The following ERO1A variants were observed in gnomAD, a reference collection of about 807,000 sequenced individuals.
ERO1A encodes the protein endoplasmic reticulum oxidoreductase 1 alpha, also known as ERO1-like protein alpha.
ERO1A carries 49 observed loss-of-function variants against 76.9 expected under a neutral mutation model. The ratio of observed to expected loss-of-function variants is 0.64; its 90% CI spans 0.51 to 0.81. The LOEUF is 0.81. Ranked by LOEUF, ERO1A falls within the 30% of genes least tolerant of loss-of-function variation. ERO1A has a pLI of 0.00. For synonymous variants in ERO1A, 174 were observed against 181.2 expected (o/e 0.96, Z 0.32); for missense variants, 448 against 542.1 (o/e 0.83, Z 1.72).
intron 1 of ERO1A, among the ~76,000 whole-genome samples, chr14:52,687,213 C>G (rs1283796744): frequency 6.6e-6 from 1 of 152,052 alleles, no homozygotes; most frequent in Non-Finnish European, 1.5e-5. Flanking sequence ...GTCTCTTGAG[C>G]CTGGGAGTCC....
intron 4 of ERO1A, among the ~76,000 whole-genome samples, chr14:52,674,794 A>G (rs1241753035): frequency 6.6e-6 from 1 of 152,362 alleles, no homozygotes; most frequent in African/African-American, 2.4e-5. Context: ...CTCTTAATAG[A>G]AGCCTAGGTT....
At position 52,640,144 on chromosome 14, in the gene ERO1A, C is replaced by T. The variant is rs2139598165; in HGVS notation, c.*3426G>A. 1 of 152,300 alleles carries T rather than the reference C, an allele frequency of 6.6e-6. No homozygotes were observed. The highest frequency in any genetic ancestry group is 1.5e-5 in the Non-Finnish European group (1 of 68,028). 9.4% of individuals were successfully genotyped at this position (152,300 alleles called of 1,614,324 possible). The stretch of plus-strand genomic sequence containing the variant: ...AAAAATAAAAAGGTTCCTTTTCCTG[C>T]CCTTAAGGAGCTCACATTCTAGTAA... On this transcript the variant is annotated 3_prime_UTR_variant, in exon 16 of 16. Coordinates refer to ENST00000395686, the MANE Select transcript of ERO1A (RefSeq NM_014584.3).
chr14:52,651,314 A>C (rs900410961), intron 13 of ERO1A, among the ~76,000 whole-genome samples: 11 of 152,096 alleles, frequency 7.2e-5, no homozygotes, highest in African/African-American at 2.4e-4. Flanking sequence ...GATGAATGAC[A>C]AAACATCACA....
chr14:52,670,009 C>T (rs1332800389), intron 6 of ERO1A, among the ~76,000 whole-genome samples: 1 of 152,152 alleles, frequency 6.6e-6, no homozygotes, highest in Admixed American at 6.5e-5. Flanking sequence ...CCAGCCTCAA[C>T]CCCCTGGATC....
At chr14:52,690,753 C>T (rs1275954323) in intron 1 of ERO1A, among the ~76,000 whole-genome samples, 3 of 152,162 alleles carry the variant, frequency 2.0e-5, no homozygotes, top group Non-Finnish European at 4.4e-5. Context: ...TTATGTGGTA[C>T]ACCTTAAATA....
At chr14:52,662,847 G>A (rs1022821335) in intron 8 of ERO1A, among the ~76,000 whole-genome samples, 3 of 152,132 alleles carry the variant, frequency 2.0e-5, no homozygotes, top group Non-Finnish European at 4.4e-5. Flanking sequence ...TCTATATAGA[G>A]AGATAAAACA....
At chr14:52,690,831 G>A (rs981585212) in intron 1 of ERO1A, among the ~76,000 whole-genome samples, 3 of 152,086 alleles carry the variant, frequency 2.0e-5, no homozygotes, top group Non-Finnish European at 2.9e-5. Context: ...GTGATGGTGC[G>A]ATCTCACCTC....
rs1594815458 is a variant in ERO1A, at chr14:52,641,099, A to ATCTT, written c.*2467_*2470dup. On this transcript the variant is annotated 3_prime_UTR_variant, in exon 16 of 16. Transcript: ENST00000395686. ...AAAATGTAAGAAGTCAAGGGAATAA[A>ATCTT]TCTTTAAAGTAGGGGTTGTCAAAAA... is the stretch of plus-strand genomic sequence containing the variant. 6 of 152,210 alleles carry ATCTT rather than the reference A, an allele frequency of 3.9e-5. No individual in the cohort carries two copies. The highest frequency in any genetic ancestry group is 1.9e-4 in the East Asian group (1 of 5,202). 9.4% of individuals were successfully genotyped at this position (152,210 alleles called of 1,614,324 possible).
intron 11 of ERO1A, among the ~76,000 whole-genome samples, chr14:52,657,463 C>A (rs937447711): frequency 2.6e-5 from 4 of 152,076 alleles, no homozygotes; most frequent in Non-Finnish European, 5.9e-5. Context: ...TACTTTAATT[C>A]CAGAAGAAAT....
chr14:52,666,541 C>T, intron 6 of ERO1A, 46 bp from the exon 7 acceptor site: 2 of 1,528,494 alleles, frequency 1.3e-6, no homozygotes, highest in Non-Finnish European at 1.8e-6. Flanking sequence ...CCTCAGTTAC[C>T]TTAAAAAGCT....
intron 3 of ERO1A, among the ~76,000 whole-genome samples, chr14:52,681,806 AAG>A (rs1279896283): frequency 1.3e-5 from 2 of 152,080 alleles, no homozygotes; most frequent in Non-Finnish European, 2.9e-5. Flanking sequence ...CACCCGAAAA[AAG>A]AGGGGGGGAA....
At chr14:52,682,039 T>C (rs1037343988) in intron 3 of ERO1A, among the ~76,000 whole-genome samples, 1 of 152,188 alleles carries the variant, frequency 6.6e-6, no homozygotes, top group African/African-American at 2.4e-5. Context: ...CATATAAATA[T>C]TGAATGTTAT....
intron 4 of ERO1A, 161 bp from the exon 5 acceptor site, chr14:52,672,032 C>T (rs187292533): frequency 6.2e-5 from 35 of 560,544 alleles, no homozygotes; most frequent in African/African-American, 3.1e-4. Flanking sequence ...AGGCCAGGTA[C>T]GGTGGCTCAC....
At chr14:52,646,330 C>G in intron 14 of ERO1A, 43 bp from the exon 15 acceptor site, 2 of 1,599,734 alleles carry the variant, frequency 1.3e-6, no homozygotes, top group Non-Finnish European at 8.5e-7. Context: ...GAAAATTATT[C>G]ATGCAAAGGG....
At chr14:52,646,984 T>G (rs2039684026) in intron 13 of ERO1A, 1 of 130,882 alleles carries the variant, frequency 7.6e-6, no homozygotes. Flanking sequence ...TTTTTTTTTT[T>G]TTTTTTTTTT....
intron 4 of ERO1A, among the ~76,000 whole-genome samples, chr14:52,678,083 T>C (rs1036835438): frequency 2.0e-5 from 3 of 151,756 alleles, no homozygotes; most frequent in Non-Finnish European, 4.4e-5. Context: ...CTGACCAACA[T>C]GGAGAAAACC....
chr14:52,650,891 C>G (rs1295398005), intron 13 of ERO1A, among the ~76,000 whole-genome samples: 1 of 152,136 alleles, frequency 6.6e-6, no homozygotes, highest in Non-Finnish European at 1.5e-5. Flanking sequence ...AAGGCAATGA[C>G]CAGACCGCAT....
In ERO1A at chr14:52,695,347, A is replaced by C. The variant is rs1250642129; in HGVS notation, c.114+21T>G. The stretch of plus-strand genomic sequence containing the variant: ...CGCGGAGGGCGCCGGGACCCTCAGC[A>C]CCAACGCGCACATCGCTCACCTGGC... On this transcript the variant is annotated intron_variant, in intron 1 of 15. Transcript: ENST00000395686. 6 of 1,406,376 alleles carry C rather than the reference A, an allele frequency of 4.3e-6. No homozygotes were observed. The South Asian group carries it at 8.8e-5, about 21-fold the overall frequency. 87.1% of individuals were successfully genotyped at this position (1,406,376 alleles called of 1,614,324 possible).
chr14:52,670,829 GT>G (rs1037129070), intron 6 of ERO1A, among the ~76,000 whole-genome samples: 4 of 152,042 alleles, frequency 2.6e-5, no homozygotes. Flanking sequence ...TAGAAACTGA[GT>G]TTTTTTAACT....
Sources: allele counts gnomAD v4.1 joint callset (sites outside exome capture counted in the v4.1 genomes callset), GRCh38; gene constraint gnomAD v4.1.1; transcripts MANE v1.5; gene names NCBI Gene and HGNC (gene_info 2026-07-23, HGNC 2026-07-21).